Variants in LHFPL2 observed in about 807,000 individuals in gnomAD.
LHFPL2 encodes the protein LHFPL tetraspan subfamily member 2, also known as LHFPL tetraspan subfamily member 2 protein.
Under a neutral mutation model 17.5 loss-of-function variants are expected in LHFPL2, and 7 were observed. The observed-to-expected ratio is 0.40, with a 90% CI of 0.23 to 0.75. The LOEUF is 0.75. Ranked by LOEUF, LHFPL2 falls within the 30% of genes least tolerant of loss-of-function variation. The pLI, the probability that LHFPL2 is intolerant of heterozygous loss-of-function variation, is 0.37. For missense variants in LHFPL2, 241 were observed against 294.8 expected, an observed-to-expected ratio of 0.82 and a Z score of 1.34; for synonymous variants, 134 against 116.2, an observed-to-expected ratio of 1.15 and a Z score of -0.99.
At chr5:78,526,962 A>G (rs1755638084) in intron 3 of LHFPL2, among the ~76,000 whole-genome samples, 1 of 152,228 alleles carries the variant, frequency 6.6e-6, no homozygotes, top group Admixed American at 6.5e-5. Flanking sequence ...GAAGGACCCA[A>G]TAGGTAGTTG....
chr5:78,517,481 G>T (rs890956248), intron 3 of LHFPL2, among the ~76,000 whole-genome samples: 10 of 152,150 alleles, frequency 6.6e-5, no homozygotes, highest in Non-Finnish European at 1.5e-4. Flanking sequence ...AGACATACCC[G>T]AAACTGGGTA....
chr5:78,489,015 C>A lies in LHFPL2; in HGVS notation c.569G>T (p.Gly190Val), dbSNP rs201708999. Residue 190 changes from glycine (G) to valine (V), a missense_variant, in exon 5 of 5, where the codon GGG becomes GTG. By Grantham distance (109) the Gly-to-Val change is moderately radical (BLOSUM62 -3). Coordinates refer to ENST00000380345, the MANE Select transcript of LHFPL2 (RefSeq NM_005779.3). ...SLGWAFYTAI[G>V]GTVLTFICAV... ...ACAGATGAAAGTGAGGACTGTGCCC[C>A]CAATGGCGGTATAAAAGGCCCAGCC... 197 of 1,614,066 alleles carry A rather than the reference C, an allele frequency of 1.2e-4. No homozygotes were observed. Among genetic ancestry groups the A allele is most frequent in the Non-Finnish European group, 1.5e-4 (177 of 1,180,054 alleles).
intron 2 of LHFPL2, among the ~76,000 whole-genome samples, chr5:78,572,543 T>C (rs1757029522): frequency 6.6e-6 from 1 of 151,486 alleles, no homozygotes; most frequent in African/African-American, 2.4e-5. Flanking sequence ...CACACACATA[T>C]ATATATACTA....
At chr5:78,576,017 C>T (rs1171526390) in intron 2 of LHFPL2, among the ~76,000 whole-genome samples, 2 of 151,954 alleles carry the variant, frequency 1.3e-5, no homozygotes, top group South Asian at 2.1e-4. Context: ...TAAATCTGGC[C>T]GGGCGCAGTG....
intron 2 of LHFPL2, among the ~76,000 whole-genome samples, chr5:78,568,636 A>C (rs1756919220): frequency 6.6e-6 from 1 of 152,212 alleles, no homozygotes; most frequent in Non-Finnish European, 1.5e-5. Flanking sequence ...AGCTGAATGA[A>C]GAAAGAACTG....
chr5:78,532,900 G>A (rs7707113), intron 3 of LHFPL2, among the ~76,000 whole-genome samples: 56,310 of 152,064 alleles, frequency 0.37, 11,062 homozygotes, highest in Middle Eastern at 0.46. Context: ...TGGTGAGCCA[G>A]GCTGACAGCA....
At chr5:78,517,062 G>A (rs1755314886) in intron 3 of LHFPL2, among the ~76,000 whole-genome samples, 1 of 152,172 alleles carries the variant, frequency 6.6e-6, no homozygotes, top group Non-Finnish European at 1.5e-5. Flanking sequence ...AGGTACTCAG[G>A]TGGCCTTGGC....
intron 4 of LHFPL2, among the ~76,000 whole-genome samples, chr5:78,505,182 G>C (rs781339576): frequency 1.8e-4 from 27 of 152,178 alleles, no homozygotes; most frequent in Non-Finnish European, 3.5e-4. Context: ...GCATTCTATG[G>C]TTTCACGATG....
chr5:78,584,245 G>A (rs1358527035), intron 2 of LHFPL2, among the ~76,000 whole-genome samples: 52 of 151,710 alleles, frequency 3.4e-4, no homozygotes, highest in Admixed American at 6.6e-4. Context: ...CCCGTAGCTC[G>A]GAGTAATTTG....
rs557017570 is a variant in LHFPL2 at position 78,500,495 on chromosome 5, G to T, written c.430+9289C>A. 5.4e-4 allele frequency among the ~76,000 whole-genome samples: 82 copies of T among 152,242 alleles called. 1 individual carries two copies. The highest frequency in any genetic ancestry group is 1.9e-3 in the African/African-American group (80 of 41,542). On this transcript the variant is annotated intron_variant, in intron 4 of 4. Transcript: ENST00000380345. ...AACAACTGTAAACACCGAGGGTTGG[G>T]GGGAGGCAAGATCTCTTCCTTCCAC... is the stretch of plus-strand genomic sequence containing the variant.
At chr5:78,496,078 C>G (rs960139831) in intron 4 of LHFPL2, among the ~76,000 whole-genome samples, 1 of 152,204 alleles carries the variant, frequency 6.6e-6, no homozygotes, top group African/African-American at 2.4e-5. Context: ...GTGTTCCCAC[C>G]TCCAACGTAC....
At chr5:78,537,010 C>T (rs1580786277) in intron 3 of LHFPL2, among the ~76,000 whole-genome samples, 1 of 152,186 alleles carries the variant, frequency 6.6e-6, no homozygotes, top group Non-Finnish European at 1.5e-5. Flanking sequence ...GGACCAGCAG[C>T]GTTGGTGGCA....
intron 3 of LHFPL2, among the ~76,000 whole-genome samples, chr5:78,559,045 C>T (rs1402650030): frequency 6.6e-6 from 1 of 152,210 alleles, no homozygotes; most frequent in Non-Finnish European, 1.5e-5. Flanking sequence ...CAGTCGGCTG[C>T]AGCCCTGCCC....
At chr5:78,635,578 G>A (rs915671336) in intron 1 of LHFPL2, among the ~76,000 whole-genome samples, 9 of 152,304 alleles carry the variant, frequency 5.9e-5, no homozygotes, top group South Asian at 2.1e-4. Flanking sequence ...CCAGGCGGGC[G>A]GACCACGAGG....
intron 3 of LHFPL2, among the ~76,000 whole-genome samples, chr5:78,520,537 C>T (rs1276265094): frequency 6.6e-6 from 1 of 152,258 alleles, no homozygotes; most frequent in Non-Finnish European, 1.5e-5. Context: ...GGACCTGCTC[C>T]TCTGGAGAGG....
chr5:78,614,154 C>A (rs189749797), intron 2 of LHFPL2, among the ~76,000 whole-genome samples: 1 of 152,360 alleles, frequency 6.6e-6, no homozygotes, highest in East Asian at 1.9e-4. Context: ...TTTTAAAAAG[C>A]TTCATGGGTG....
chr5:78,547,682 A>T (rs1257945126), intron 3 of LHFPL2, among the ~76,000 whole-genome samples: 1 of 152,224 alleles, frequency 6.6e-6, no homozygotes, highest in African/African-American at 2.4e-5. Flanking sequence ...AAAAATTGAG[A>T]AATTCAGAGG....
At chr5:78,547,748 G>A (rs1025363978) in intron 3 of LHFPL2, among the ~76,000 whole-genome samples, 5 of 152,218 alleles carry the variant, frequency 3.3e-5, no homozygotes, top group African/African-American at 1.2e-4. Flanking sequence ...AAAGCACCAG[G>A]ACTAGGAAGC....
At position 78,488,181 on chromosome 5, in the gene LHFPL2, AC is replaced by A. The variant is rs1754314917; in HGVS notation, c.*715del. On this transcript the variant is annotated 3_prime_UTR_variant, in exon 5 of 5. Coordinates refer to ENST00000380345, the MANE Select transcript of LHFPL2 (RefSeq NM_005779.3). ...CTGGCTGCTGGGAAGAAGAAAAAATACGTCTTCACTAGCAAGATTTCATATT... is the reference window on the plus strand; with the variant it reads ...CTGGCTGCTGGGAAGAAGAAAAAATAGTCTTCACTAGCAAGATTTCATATT... 6.6e-6 allele frequency: 1 copy of A among 152,294 alleles called. No individual in the cohort carries two copies. The highest frequency in any genetic ancestry group is 1.5e-5 in the Non-Finnish European group (1 of 68,120). 9.4% of individuals were successfully genotyped at this position (152,294 alleles called of 1,614,324 possible). A position where few individuals can be genotyped will look rare whatever the true frequency, so the allele number is the denominator to read the frequency against.
Sources: allele counts gnomAD v4.1 joint callset (sites outside exome capture counted in the v4.1 genomes callset), GRCh38; gene constraint gnomAD v4.1.1; transcripts MANE v1.5; gene names NCBI Gene and HGNC (gene_info 2026-07-23, HGNC 2026-07-21).